The following ATF7 variants were observed in gnomAD, a reference collection of about 807,000 sequenced individuals.
The protein encoded by ATF7 is cyclic AMP-dependent transcription factor ATF-7.
Under a neutral mutation model 50.4 loss-of-function variants are expected in ATF7, and 10 were observed. The ratio of observed to expected loss-of-function variants is 0.20; its 90% confidence interval spans 0.12 to 0.34. ATF7 has a LOEUF of 0.34. Among genes scored for constraint, ATF7 ranks in the 10% least tolerant of loss-of-function variants. ATF7 has a pLI of 1.00. For missense variants in ATF7, 465 were observed against 613.9 expected (o/e 0.76, Z 2.56); for synonymous variants, 201 against 226.4 (o/e 0.89, Z 1.01).
At chr12:53,537,573 A>G (rs1349835063) in intron 4 of ATF7, 21 bp from the exon 5 acceptor site, 2 of 1,611,584 alleles carry the variant, frequency 1.2e-6, no homozygotes, top group Non-Finnish European at 1.7e-6. Context: ...AGAAAAATGA[A>G]CAGAGTTTAA....
chr12:53,555,257 G>A (rs940513767), intron 2 of ATF7, among the ~76,000 whole-genome samples: 3 of 151,638 alleles, frequency 2.0e-5, no homozygotes, highest in Admixed American at 6.6e-5. Flanking sequence ...CCAGGTAGAC[G>A]GAGGTTGCAG....
chr12:53,514,405 T>C lies in ATF7; in HGVS notation c.*2732A>G, dbSNP rs534452369. ...AAGGGCCAAGTGACACCTTCCATGA[T>C]GTTTGGTTCTGGTCCAGATGGATCT... On this transcript the variant is annotated 3_prime_UTR_variant, in exon 12 of 12. Coordinates refer to ENST00000420353, the MANE Select transcript of ATF7 (RefSeq NM_006856.3). The C allele has an allele frequency of 6.6e-6, 1 of 152,342 alleles. No homozygotes were observed. Among genetic ancestry groups the C allele is most frequent in the South Asian group, 2.1e-4 (1 of 4,834 alleles). The allele number at this position is 152,342 out of a possible 1,614,324, so 9.4% of individuals were successfully genotyped here.
At chr12:53,534,297 A>G (rs2137390552) in intron 6 of ATF7, among the ~76,000 whole-genome samples, 1 of 152,252 alleles carries the variant, frequency 6.6e-6, no homozygotes, top group African/African-American at 2.4e-5. Flanking sequence ...AAAAAAAACA[A>G]AAAGTATTAC....
At chr12:53,550,331 A>AAAAAT (rs1214452844) in intron 3 of ATF7, among the ~76,000 whole-genome samples, 5 of 123,650 alleles carry the variant, frequency 4.0e-5, no homozygotes, top group Non-Finnish European at 8.1e-5. Flanking sequence ...CTCAAAAAAA[A>AAAAAT]AAATAAATAA....
In ATF7 at chr12:53,517,521, G is replaced by A. The variant is rs1193472395; in HGVS notation, c.1235-167C>T. ...GAATCCTGGCTTCTAAGTCATAAAT[G>A]GGCTAGGAAATGGGAAGTTGTAAGA... is the stretch of plus-strand genomic sequence containing the variant. On this transcript the variant is annotated intron_variant, in intron 11 of 11. Transcript: ENST00000420353. 7.6e-6 allele frequency: 5 copies of A among 657,472 alleles called. No individual in the cohort carries two copies. The East Asian group carries it at 1.4e-4, about 18-fold the overall frequency. The allele number at this position is 657,472 out of a possible 1,614,324, so 40.7% of individuals were successfully genotyped here.
intron 2 of ATF7, among the ~76,000 whole-genome samples, chr12:53,594,893 A>C (rs1314686870): frequency 1.3e-5 from 2 of 151,744 alleles, no homozygotes; most frequent in African/African-American, 4.8e-5. Context: ...ATCTCAAAAA[A>C]AAAAAAAGAA....
chr12:53,528,907 AC>A (rs1938670265), intron 9 of ATF7, among the ~76,000 whole-genome samples: 1 of 152,150 alleles, frequency 6.6e-6, no homozygotes, highest in Non-Finnish European at 1.5e-5. Context: ...GCCAAGAGAA[AC>A]GGGAAGAACG....
chr12:53,560,874 G>C (rs1019598562), intron 2 of ATF7, among the ~76,000 whole-genome samples: 3 of 151,902 alleles, frequency 2.0e-5, no homozygotes, highest in African/African-American at 7.3e-5. Flanking sequence ...TTCTGGGTTT[G>C]GCAGTACTTC....
chr12:53,555,137 T>C (rs924724730), intron 2 of ATF7, among the ~76,000 whole-genome samples: 1 of 151,772 alleles, frequency 6.6e-6, no homozygotes, highest in Non-Finnish European at 1.5e-5. Flanking sequence ...CTGGCCAACA[T>C]GATGAAACCC....
At chr12:53,608,239 A>G (rs1943699903) in intron 1 of ATF7, among the ~76,000 whole-genome samples, 1 of 149,286 alleles carries the variant, frequency 6.7e-6, no homozygotes, top group South Asian at 2.1e-4. Context: ...AAAAAAAAAG[A>G]AAGAAGTCTG....
At chr12:53,546,128 G>C (rs1407778403) in intron 3 of ATF7, among the ~76,000 whole-genome samples, 1 of 152,080 alleles carries the variant, frequency 6.6e-6, no homozygotes, top group African/African-American at 2.4e-5. Flanking sequence ...GGAGGCAGAG[G>C]TTGCAGTGAG....
chr12:53,596,763 G>A (rs2137801415), intron 2 of ATF7, among the ~76,000 whole-genome samples: 1 of 152,246 alleles, frequency 6.6e-6, no homozygotes, highest in South Asian at 2.1e-4. Context: ...TCCTCCAAAA[G>A]TATAAAAAAC....
chr12:53,591,762 T>C (rs1942945762), intron 2 of ATF7, among the ~76,000 whole-genome samples: 1 of 152,196 alleles, frequency 6.6e-6, no homozygotes. Flanking sequence ...ATAACATAAA[T>C]GGCTCTTTGA....
At chr12:53,559,216 ACTTTTTTCTTTTT>A (rs979647943) in intron 2 of ATF7, among the ~76,000 whole-genome samples, 29 of 148,612 alleles carry the variant, frequency 2.0e-4, no homozygotes, top group African/African-American at 6.4e-4. Flanking sequence ...AGATTTTTTT[ACTTTTTTCTTTTT>A]CTTTTTTCTT....
At chr12:53,601,622 C>T (rs1196921610) in intron 1 of ATF7, among the ~76,000 whole-genome samples, 4 of 152,202 alleles carry the variant, frequency 2.6e-5, no homozygotes, top group Admixed American at 2.6e-4. Flanking sequence ...CCTCCTCCCC[C>T]CACCAATCGT....
downstream of ATF7, among the ~76,000 whole-genome samples, chr12:53,508,687 A>T (rs1944071585): frequency 6.6e-6 from 1 of 152,138 alleles, no homozygotes; most frequent in African/African-American, 2.4e-5. Context: ...GACCTGCCTC[A>T]TCGCCCTTCC....
chr12:53,508,017 C>T (rs1163353157), downstream of ATF7: 1 of 152,506 alleles, frequency 6.6e-6, no homozygotes, highest in Non-Finnish European at 1.5e-5. Context: ...TTGGAGGCTA[C>T]TCAGATTTGC....
chr12:53,597,548 G>A (rs539713448), intron 2 of ATF7, among the ~76,000 whole-genome samples: 14 of 152,210 alleles, frequency 9.2e-5, no homozygotes, highest in Admixed American at 7.9e-4. Flanking sequence ...GGTGGCTCAC[G>A]CCTGTAATCC....
intron 11 of ATF7, among the ~76,000 whole-genome samples, chr12:53,521,453 T>C (rs1030523091): frequency 6.6e-6 from 1 of 152,210 alleles, no homozygotes; most frequent in African/African-American, 2.4e-5. Flanking sequence ...CTGAGCCTCC[T>C]TGATGTTCCT....
Sources: allele counts gnomAD v4.1 joint callset (sites outside exome capture counted in the v4.1 genomes callset), GRCh38; gene constraint gnomAD v4.1.1; transcripts MANE v1.5; gene names NCBI Gene and HGNC (gene_info 2026-07-23, HGNC 2026-07-21).